XYLT1: variants seen among roughly 807,000 people sequenced by gnomAD.
The protein encoded by XYLT1 is beta-D-xylosyltransferase 1.
A neutral mutation model predicts 91.3 loss-of-function variants in XYLT1; 36 were observed. The observed-to-expected ratio is 0.39, with a 90% CI of 0.30 to 0.52. XYLT1 has a LOEUF of 0.52. Among genes scored for constraint, XYLT1 ranks in the 20% least tolerant of loss-of-function variants. The pLI, the probability that XYLT1 is intolerant of heterozygous loss-of-function variation, is 0.68. For synonymous variants in XYLT1, 588 were observed against 532.0 expected, an observed-to-expected ratio of 1.11 and a Z score of -1.45; for missense variants, 1,242 against 1,284.5, an observed-to-expected ratio of 0.97 and a Z score of 0.51.
chr16:17,215,414 A>G (rs1412473829), intron 3 of XYLT1, among the ~76,000 whole-genome samples: 1 of 152,166 alleles, frequency 6.6e-6, no homozygotes, highest in East Asian at 1.9e-4. Flanking sequence ...TTTTGCTCTT[A>G]GAAGAGACAC....
rs869026409 is a variant in XYLT1 at position 17,456,332 on chromosome 16, C to CTT, written c.363+14100_363+14101dup. 1.7e-3 allele frequency among the ~76,000 whole-genome samples: 194 copies of CTT among 114,112 alleles called. 1 individual carries two copies. The highest frequency in any genetic ancestry group is 3.3e-3 in the African/African-American group (86 of 26,368). The allele number at this position is 114,112 out of a possible 152,430, so 74.9% of individuals were successfully genotyped here. A position where few individuals can be genotyped will look rare whatever the true frequency, so the allele number is the denominator to read the frequency against. ...TTTGCAGCAGGCAAACAGTACAAAC[C>CTT]TTTTTTTTTTTTTTTTTTTTTTGGA... On this transcript the variant is annotated intron_variant, in intron 1 of 11. Coordinates refer to ENST00000261381, the MANE Select transcript of XYLT1 (RefSeq NM_022166.4).
chr16:17,174,215 ATTAC>A (rs1319990474), intron 5 of XYLT1, among the ~76,000 whole-genome samples: 5 of 152,236 alleles, frequency 3.3e-5, no homozygotes, highest in African/African-American at 1.2e-4. Context: ...ACTTTATCTT[ATTAC>A]TTCTTCCCTT....
At chr16:17,258,406 G>A (rs1235741592) in intron 3 of XYLT1, among the ~76,000 whole-genome samples, 6 of 150,882 alleles carry the variant, frequency 4.0e-5, no homozygotes, top group African/African-American at 1.5e-4. Flanking sequence ...AAAGGAAAGG[G>A]AGAAACAAAC....
intron 1 of XYLT1, among the ~76,000 whole-genome samples, chr16:17,364,398 T>C (rs1021968338): frequency 1.1e-4 from 17 of 152,190 alleles, no homozygotes; most frequent in Non-Finnish European, 2.5e-4. Context: ...GAACACAGCA[T>C]ACCACTGACA....
intron 10 of XYLT1, among the ~76,000 whole-genome samples, chr16:17,118,339 A>T (rs2029926678): frequency 6.6e-6 from 1 of 152,096 alleles, no homozygotes; most frequent in Non-Finnish European, 1.5e-5. Context: ...CCACAGAAAC[A>T]TACACCCTGC....
chr16:17,215,582 C>T (rs2032839980), intron 3 of XYLT1, among the ~76,000 whole-genome samples: 2 of 152,114 alleles, frequency 1.3e-5, no homozygotes, highest in Admixed American at 1.3e-4. Context: ...TTTTAAGCCA[C>T]CTGGTCTATG....
chr16:17,456,332 CTTTTT>C (rs869026409), intron 1 of XYLT1, among the ~76,000 whole-genome samples: 2 of 114,170 alleles, frequency 1.8e-5, no homozygotes, highest in East Asian at 2.3e-4. Flanking sequence ...CAGTACAAAC[CTTTTT>C]TTTTTTTTTT....
chr16:17,444,983 G>A (rs186548365), intron 1 of XYLT1, among the ~76,000 whole-genome samples: 1 of 152,290 alleles, frequency 6.6e-6, no homozygotes, highest in East Asian at 1.9e-4. Context: ...GGTTAGAAGA[G>A]TGAATGGATG....
intron 2 of XYLT1, among the ~76,000 whole-genome samples, chr16:17,260,679 A>G (rs1303746056): frequency 6.6e-6 from 1 of 152,222 alleles, no homozygotes; most frequent in Non-Finnish European, 1.5e-5. Context: ...TTTTATAAAT[A>G]AAGTTTTATT....
At chr16:17,268,661 TAA>T (rs1362751031) in intron 2 of XYLT1, among the ~76,000 whole-genome samples, 1 of 149,242 alleles carries the variant, frequency 6.7e-6, no homozygotes, top group Non-Finnish European at 1.5e-5. Context: ...AGTTGAGTGA[TAA>T]ATACTTTTTT....
chr16:17,364,580 G>A (rs765911611), intron 1 of XYLT1, among the ~76,000 whole-genome samples: 6 of 152,120 alleles, frequency 3.9e-5, no homozygotes, highest in African/African-American at 7.2e-5. Context: ...CCGTAGATAC[G>A]AGTGCAACCT....
Position 17,200,053 on chromosome 16 carries a change from T to G in XYLT1, c.1086+429A>C, listed in dbSNP as rs140830445. Among the ~76,000 whole-genome samples the G allele has an allele frequency of 8.1e-3, 1,229 of 151,554 alleles. 16 individuals are homozygous for G. Among genetic ancestry groups the G allele is most frequent in the African/African-American group, 0.028 (1,156 of 41,204 alleles). On this transcript the variant is annotated intron_variant, in intron 4 of 11. Transcript: ENST00000261381. ...CTGGCCAACATGGTGAAACCTTGTCTCTACTAAAAATACAAAAATTAGCCG... is the reference window on the plus strand; with the variant it reads ...CTGGCCAACATGGTGAAACCTTGTCGCTACTAAAAATACAAAAATTAGCCG...
chr16:17,240,014 G>C (rs1386340015), intron 3 of XYLT1, among the ~76,000 whole-genome samples: 1 of 152,146 alleles, frequency 6.6e-6, no homozygotes, highest in Admixed American at 6.5e-5. Flanking sequence ...TGCCCTCCTG[G>C]ATCTTTTAGT....
chr16:17,264,239 C>A (rs184266178), intron 2 of XYLT1, among the ~76,000 whole-genome samples: 186 of 152,266 alleles, frequency 1.2e-3, no homozygotes, highest in African/African-American at 3.8e-3. Flanking sequence ...TCCCCAATCC[C>A]CCAACTCCTG....
At chr16:17,131,320 A>G (rs1165211993) in intron 9 of XYLT1, among the ~76,000 whole-genome samples, 1 of 152,246 alleles carries the variant, frequency 6.6e-6, no homozygotes, top group East Asian at 1.9e-4. Flanking sequence ...AATAATCAAG[A>G]TGCCGCACAA....
At chr16:17,338,456 C>T (rs2035018201) in intron 2 of XYLT1, 1 of 456,442 alleles carries the variant, frequency 2.2e-6, no homozygotes, top group Non-Finnish European at 4.4e-6. Context: ...GAAACCTACG[C>T]TTTGCCGGGC....
At chr16:17,413,992 T>C (rs1245026996) in intron 1 of XYLT1, among the ~76,000 whole-genome samples, 1 of 152,202 alleles carries the variant, frequency 6.6e-6, no homozygotes, top group Non-Finnish European at 1.5e-5. Flanking sequence ...CCTGAAATTA[T>C]TCAAGCCGGT....
chr16:17,106,438 G>C lies in XYLT1; in HGVS notation c.*2257C>G, dbSNP rs1966775900. On this transcript the variant is annotated 3_prime_UTR_variant, in exon 12 of 12. Coordinates refer to ENST00000261381, the MANE Select transcript of XYLT1 (RefSeq NM_022166.4). The stretch of plus-strand genomic sequence containing the variant: ...AGATCATAGGGGCTTTCTGAGAAAA[G>C]TACCCTGAGATCCCTGGAATCGCTG... The C allele has an allele frequency of 6.6e-6, 1 of 152,182 alleles. No homozygotes were observed. The highest frequency in any genetic ancestry group is 2.4e-5 in the African/African-American group (1 of 41,438). 9.4% of individuals were successfully genotyped at this position (152,182 alleles called of 1,614,324 possible). A position where few individuals can be genotyped will look rare whatever the true frequency, so the allele number is the denominator to read the frequency against.
chr16:17,270,993 G>A (rs1028737905), intron 2 of XYLT1, among the ~76,000 whole-genome samples: 1 of 152,196 alleles, frequency 6.6e-6, no homozygotes, highest in Non-Finnish European at 1.5e-5. Flanking sequence ...ACGCACAGGA[G>A]TCAGACTCCA....
Sources: allele counts gnomAD v4.1 joint callset (sites outside exome capture counted in the v4.1 genomes callset), GRCh38; gene constraint gnomAD v4.1.1; transcripts MANE v1.5; gene names NCBI Gene and HGNC (gene_info 2026-07-23, HGNC 2026-07-21).